RGS7: variants seen among roughly 807,000 people sequenced by gnomAD.
RGS7 encodes regulator of G-protein signaling 7.
RGS7 carries 27 observed loss-of-function variants against 81.1 expected under a neutral mutation model. That is an observed-to-expected ratio of 0.33 (90% CI 0.25 to 0.46). The LOEUF is 0.46. Among genes scored for constraint, RGS7 ranks in the 20% least tolerant of loss-of-function variants. RGS7 has a pLI of 1.00. For synonymous variants in RGS7, 208 were observed against 207.7 expected (o/e 1.00, Z -0.01); for missense variants, 396 against 607.4 (o/e 0.65, Z 3.66).
intron 9 of RGS7, among the ~76,000 whole-genome samples, chr1:240,848,265 C>A (rs1659457828): frequency 6.6e-6 from 1 of 152,104 alleles, no homozygotes. Flanking sequence ...ACTCTTCCTG[C>A]TAATTTTCCT....
intron 3 of RGS7, among the ~76,000 whole-genome samples, chr1:241,079,158 G>A (rs901414593): frequency 6.6e-6 from 1 of 152,124 alleles, no homozygotes; most frequent in African/African-American, 2.4e-5. Context: ...AGATAAAAGC[G>A]ATGTGCAGCA....
intron 2 of RGS7, among the ~76,000 whole-genome samples, chr1:241,277,902 G>A (rs2078280011): frequency 6.6e-6 from 1 of 152,142 alleles, no homozygotes; most frequent in South Asian, 2.1e-4. Flanking sequence ...AAGTTTTACT[G>A]AGTTGCATCT....
chr1:241,202,734 C>T (rs1002768403), intron 2 of RGS7, among the ~76,000 whole-genome samples: 6 of 152,060 alleles, frequency 3.9e-5, no homozygotes, highest in East Asian at 3.9e-4. Context: ...AAGTTCTTTA[C>T]GGCTAGTTTT....
At chr1:240,970,989 A>T (rs1683119640) in intron 4 of RGS7, among the ~76,000 whole-genome samples, 1 of 144,514 alleles carries the variant, frequency 6.9e-6, no homozygotes, top group South Asian at 2.1e-4. Flanking sequence ...AAAACAAAAT[A>T]AAATAAATAA....
At chr1:240,820,665 C>T (rs975656299) in intron 10 of RGS7, among the ~76,000 whole-genome samples, 3 of 152,040 alleles carry the variant, frequency 2.0e-5, no homozygotes, top group Admixed American at 6.6e-5. Flanking sequence ...GCCGATTCCA[C>T]GATGTGAGGA....
Position 241,144,964 on chromosome 1 carries a change from T to TGTGTGTGTGTGTG in RGS7, c.79-46203_79-46202insCACACACACACAC, listed in dbSNP as rs1479399427. Among the ~76,000 whole-genome samples the TGTGTGTGTGTGTG allele has an allele frequency of 2.8e-5, 4 of 144,506 alleles. No homozygotes were observed. Among genetic ancestry groups the TGTGTGTGTGTGTG allele is most frequent in the African/African-American group, 1.1e-4 (4 of 36,926 alleles). 94.8% of individuals were successfully genotyped at this position (144,506 alleles called of 152,430 possible). On this transcript the variant is annotated intron_variant, in intron 2 of 18. Coordinates refer to ENST00000440928, the MANE Select transcript of RGS7 (RefSeq NM_001364886.1). This position sits in a 1 kb window ranked among gnomAD's most constrained non-coding sequence, Gnocchi z 4.7. ...GTGTGTGTGTGTGTGTGTGTGTGTGTTCGTGTTCATTCTTCCTGTTCCTGT... is the reference window on the plus strand; with the variant it reads ...GTGTGTGTGTGTGTGTGTGTGTGTGTGTGTGTGTGTGTGTCGTGTTCATTCTTCCTGTTCCTGT...
intron 3 of RGS7, among the ~76,000 whole-genome samples, chr1:241,017,792 T>G (rs2059339134): frequency 6.6e-6 from 1 of 152,086 alleles, no homozygotes; most frequent in Non-Finnish European, 1.5e-5. Context: ...AAGCCTAAGG[T>G]TTTTGGTTTT....
At chr1:240,832,850 T>C (rs578163404) in intron 9 of RGS7, among the ~76,000 whole-genome samples, 1 of 152,200 alleles carries the variant, frequency 6.6e-6, no homozygotes, top group South Asian at 2.1e-4. Flanking sequence ...AAAATCATGA[T>C]TCTGGGAAAA....
At chr1:240,786,490 A>G (rs1685091480) in intron 18 of RGS7, among the ~76,000 whole-genome samples, 2 of 152,218 alleles carry the variant, frequency 1.3e-5, no homozygotes, top group South Asian at 4.1e-4. Flanking sequence ...TTAAGTACAG[A>G]ATACATTTTA....
At chr1:240,861,507 A>G (rs1662186429) in intron 9 of RGS7, among the ~76,000 whole-genome samples, 1 of 152,090 alleles carries the variant, frequency 6.6e-6, no homozygotes, top group African/African-American at 2.4e-5. Context: ...TGAATTTATC[A>G]TTTGCATCAT....
chr1:241,188,285 TCA>T (rs59722851), intron 2 of RGS7, among the ~76,000 whole-genome samples: 12,173 of 148,064 alleles, frequency 0.082, 615 homozygotes, highest in East Asian at 0.22. Flanking sequence ...TCTTTTATCC[TCA>T]CACACACACA....
intron 2 of RGS7, among the ~76,000 whole-genome samples, chr1:241,284,957 G>A (rs150599470): frequency 3.3e-5 from 5 of 152,102 alleles, no homozygotes; most frequent in African/African-American, 4.8e-5. Context: ...TGCAAGCTCC[G>A]CCTCCCGGGT....
At chr1:240,922,904 A>G (rs1158646945) in intron 6 of RGS7, among the ~76,000 whole-genome samples, 1 of 152,116 alleles carries the variant, frequency 6.6e-6, no homozygotes, top group East Asian at 1.9e-4. Flanking sequence ...AATTCTGTAC[A>G]TGAAGGTTTA....
At chr1:240,990,505 C>T (rs555057095) in intron 3 of RGS7, among the ~76,000 whole-genome samples, 4 of 152,116 alleles carry the variant, frequency 2.6e-5, no homozygotes, top group Non-Finnish European at 4.4e-5. Flanking sequence ...CTCAAAGAAA[C>T]TTCGTGATGT....
At chr1:240,993,168 GGAAAGAAAGAAGGAAA>G (rs1686756245) in intron 3 of RGS7, among the ~76,000 whole-genome samples, 1 of 140,664 alleles carries the variant, frequency 7.1e-6, no homozygotes, top group Non-Finnish European at 1.5e-5. Flanking sequence ...AGGAAGGGAG[GGAAAGAAAGAAGGAAA>G]GAAAGAAAGA....
At chr1:241,264,329 C>T (rs1176798970) in intron 2 of RGS7, among the ~76,000 whole-genome samples, 1 of 152,112 alleles carries the variant, frequency 6.6e-6, no homozygotes, top group South Asian at 2.1e-4. Flanking sequence ...GAAAGCCCAT[C>T]TCTACTAAAG....
chr1:241,283,446 A>G lies in RGS7; in HGVS notation c.78+72253T>C, dbSNP rs75475172. Among the ~76,000 whole-genome samples the G allele has an allele frequency of 1.7e-3, 264 of 152,264 alleles. 1 individual carries two copies. Among genetic ancestry groups the G allele is most frequent in the African/African-American group, 6.2e-3 (257 of 41,568 alleles). The stretch of plus-strand genomic sequence containing the variant: ...TCTGAGTTGTCAATTCTTTTCTTTT[A>G]GCACTTAAAAAATGTGTCATTTCCT... On this transcript the variant is annotated intron_variant, in intron 2 of 18. Coordinates refer to ENST00000440928, the MANE Select transcript of RGS7 (RefSeq NM_001364886.1).
intron 2 of RGS7, among the ~76,000 whole-genome samples, chr1:241,232,965 G>C (rs1470238974): frequency 2.0e-5 from 3 of 151,984 alleles, no homozygotes; most frequent in Non-Finnish European, 2.9e-5. Flanking sequence ...TAGTTTTGTA[G>C]GTCATTGGCT....
intron 3 of RGS7, among the ~76,000 whole-genome samples, chr1:241,080,538 T>C (rs539795904): frequency 6.6e-6 from 1 of 152,276 alleles, no homozygotes; most frequent in East Asian, 1.9e-4. Flanking sequence ...GAGGTGGTAA[T>C]AAAGTCATTA....
Sources: allele counts gnomAD v4.1 joint callset (sites outside exome capture counted in the v4.1 genomes callset), GRCh38; gene constraint gnomAD v4.1.1; non-coding constraint Gnocchi (gnomAD v3.1); transcripts MANE v1.5; gene names NCBI Gene and HGNC (gene_info 2026-07-23, HGNC 2026-07-21).